SETD7: variants seen among roughly 807,000 people sequenced by gnomAD.
SETD7 encodes SET domain containing 7, histone lysine methyltransferase, also known as histone-lysine N-methyltransferase SETD7.
A neutral mutation model predicts 41.8 loss-of-function variants in SETD7; 16 were observed. That is an observed-to-expected ratio of 0.38 (90% CI 0.26 to 0.58). The LOEUF is 0.58. SETD7 is among the 20% of genes least tolerant of loss of function. The pLI, the probability that SETD7 is intolerant of heterozygous loss-of-function variation, is 0.64. For synonymous variants in SETD7, 163 were observed against 169.7 expected, an observed-to-expected ratio of 0.96 and a Z score of 0.31; for missense variants, 346 against 459.7, an observed-to-expected ratio of 0.75 and a Z score of 2.26.
chr4:139,534,838 TAA>T (rs1210766365), intron 2 of SETD7, among the ~76,000 whole-genome samples: 1 of 152,232 alleles, frequency 6.6e-6, no homozygotes, highest in Non-Finnish European at 1.5e-5. Flanking sequence ...CTCTGTCTGG[TAA>T]AGTCTTGACT....
chr4:139,524,515 G>C (rs972805284), intron 4 of SETD7, among the ~76,000 whole-genome samples: 1 of 152,194 alleles, frequency 6.6e-6, no homozygotes, highest in Non-Finnish European at 1.5e-5. Context: ...GAACTAGCCT[G>C]GGCCTTCCTC....
chr4:139,531,146 G>C (rs190929232), intron 3 of SETD7, among the ~76,000 whole-genome samples: 1 of 152,296 alleles, frequency 6.6e-6, no homozygotes, highest in Admixed American at 6.5e-5. Flanking sequence ...GCTCACCAAT[G>C]CTCCTTCCTA....
chr4:139,520,327 G>A lies in SETD7; in HGVS notation c.712C>T (p.Pro238Ser), dbSNP rs1727145359. Reference protein sequence around the residue: ...EGLFSKVAVGPNTVMSFYNGV... With the variant: ...EGLFSKVAVGSNTVMSFYNGV... ...TTATAAAAAGACATAACAGTATTAG[G>A]TCCCACAGCTACCTTTGAAAAAAGT... Residue 238 changes from proline (P) to serine (S), a missense_variant, in exon 6 of 8, where the codon CCT becomes TCT. Transcript: ENST00000274031. 1.2e-6 allele frequency: 2 copies of A among 1,610,774 alleles called. No homozygotes were observed. The highest frequency in any genetic ancestry group is 1.3e-5 in the African/African-American group (1 of 74,786).
chr4:139,499,258 C>G (rs1162591496), intron 7 of SETD7, among the ~76,000 whole-genome samples: 1 of 152,190 alleles, frequency 6.6e-6, no homozygotes, highest in African/African-American at 2.4e-5. Context: ...TTGAACTGGT[C>G]CCTTCCTTGT....
intron 4 of SETD7, among the ~76,000 whole-genome samples, chr4:139,527,244 AGAT>A (rs1211574814): frequency 6.6e-6 from 1 of 152,236 alleles, no homozygotes; most frequent in Non-Finnish European, 1.5e-5. Context: ...TACACAGAAA[AGAT>A]GCAGTAAAAA....
intron 7 of SETD7, among the ~76,000 whole-genome samples, chr4:139,497,737 C>T (rs561776085): frequency 2.0e-5 from 3 of 151,798 alleles, no homozygotes; most frequent in South Asian, 4.2e-4. Flanking sequence ...TTACAGGCGG[C>T]GCCTGCCACT....
chr4:139,551,162 ATC>A (rs1215693767), intron 1 of SETD7, among the ~76,000 whole-genome samples: 1 of 152,252 alleles, frequency 6.6e-6, no homozygotes, highest in Non-Finnish European at 1.5e-5. Flanking sequence ...TCCAAGTGTT[ATC>A]TAACTTGAAG....
At chr4:139,504,092 A>G (rs1405805240), downstream of SETD7, among the ~76,000 whole-genome samples, 1 of 152,102 alleles carries the variant, frequency 6.6e-6, no homozygotes, top group African/African-American at 2.4e-5. Context: ...CTGTAGGGCC[A>G]CTCAGCACTT....
Position 139,507,331 on chromosome 4 carries a change from C to A in SETD7, c.*4332G>T. On this transcript the variant is annotated 3_prime_UTR_variant, in exon 8 of 8. Coordinates refer to ENST00000274031, the MANE Select transcript of SETD7 (RefSeq NM_030648.4). The stretch of plus-strand genomic sequence containing the variant: ...CACCTCCATTAGCACCTAACTTCCA[C>A]CAGGAAGCGGCTGAGGCACTGGGGA... 6.5e-6 allele frequency: 1 copy of A among 152,678 alleles called. No individual in the cohort carries two copies. 9.5% of individuals were successfully genotyped at this position (152,678 alleles called of 1,614,324 possible).
At chr4:139,511,967 C>T (rs1437520977) in intron 7 of SETD7, 124 bp from the exon 8 acceptor site, 3 of 1,438,510 alleles carry the variant, frequency 2.1e-6, no homozygotes, top group East Asian at 2.5e-5. Context: ...TGGTATGTGC[C>T]CAAAGTGTGG....
intron 6 of SETD7, 55 bp from the exon 7 acceptor site, chr4:139,518,097 AG>A: frequency 6.5e-7 from 1 of 1,529,606 alleles, no homozygotes; most frequent in Non-Finnish European, 8.8e-7. Flanking sequence ...CAAAGGTCAA[AG>A]GACATCAGAG....
At position 139,531,564 on chromosome 4, in the gene SETD7, G is replaced by A. The variant is rs17050804; in HGVS notation, c.372+1601C>T. Among the ~76,000 whole-genome samples, 255 of 152,306 alleles carry A rather than the reference G, an allele frequency of 1.7e-3. 1 individual carries two copies. Among genetic ancestry groups the A allele is most frequent in the African/African-American group, 5.8e-3 (243 of 41,574 alleles). On this transcript the variant is annotated intron_variant, in intron 3 of 7. Transcript: ENST00000274031. ...CTGCTTCTCTTCTCCTAAGCAGTAC[G>A]TGTTACAACTTTTGATCTATCACGG...
intron 4 of SETD7, among the ~76,000 whole-genome samples, chr4:139,527,392 A>G (rs1333564127): frequency 6.6e-6 from 1 of 152,138 alleles, no homozygotes; most frequent in African/African-American, 2.4e-5. Flanking sequence ...TGTTTCTACA[A>G]AAAAATTTAA....
intron 3 of SETD7, among the ~76,000 whole-genome samples, chr4:139,529,949 C>T (rs1317611093): frequency 6.6e-6 from 1 of 152,224 alleles, no homozygotes; most frequent in East Asian, 1.9e-4. Flanking sequence ...TTTAGCAGAG[C>T]AGCGCACTTA....
At chr4:139,494,194 A>G (rs992264713), downstream of SETD7, among the ~76,000 whole-genome samples, 5 of 152,210 alleles carry the variant, frequency 3.3e-5, no homozygotes, top group African/African-American at 1.2e-4. Flanking sequence ...TGATTAATCT[A>G]TAAAGGGGGA....
chr4:139,524,220 T>C (rs778518238), intron 4 of SETD7, among the ~76,000 whole-genome samples: 5 of 152,196 alleles, frequency 3.3e-5, no homozygotes, highest in Admixed American at 6.5e-5. Flanking sequence ...CCTCTTTCTG[T>C]TTGTTTGTGA....
chr4:139,531,367 C>CTGCTTCCTATACTCATCTCTA (rs1727478690), intron 3 of SETD7, among the ~76,000 whole-genome samples: 1 of 152,094 alleles, frequency 6.6e-6, no homozygotes, highest in South Asian at 2.1e-4. Context: ...AACACTTTGC[C>CTGCTTCCTATACTCATCTCTA]TGCTTCCTAT....
intron 5 of SETD7, among the ~76,000 whole-genome samples, chr4:139,522,306 T>C (rs1450533869): frequency 6.6e-6 from 1 of 152,090 alleles, no homozygotes; most frequent in Non-Finnish European, 1.5e-5. Context: ...CAATTTCAGA[T>C]AGTACGCTTA....
intron 3 of SETD7, among the ~76,000 whole-genome samples, chr4:139,531,679 C>A (rs1427734923): frequency 5.9e-5 from 9 of 152,196 alleles, no homozygotes; most frequent in Non-Finnish European, 1.2e-4. Context: ...TAGATTATAA[C>A]TTATTTTTTA....
Sources: gnomAD v4.1 joint callset for allele counts (sites outside exome capture counted in the v4.1 genomes callset) on GRCh38, gnomAD v4.1.1 for gene constraint, MANE v1.5 for transcripts, NCBI Gene and HGNC (gene_info 2026-07-23, HGNC 2026-07-21) for gene names.